ARHGAP35: variants seen among roughly 807,000 people sequenced by gnomAD.
The protein encoded by ARHGAP35 is Rho GTPase activating protein 35.
In ARHGAP35, 15 loss-of-function variants were observed where a neutral mutation model predicts 111.1. That is an observed-to-expected ratio of 0.13 (90% CI 0.09 to 0.21). The LOEUF (loss-of-function observed/expected upper bound fraction) is 0.21. ARHGAP35 is among the 10% of genes least tolerant of loss of function. The pLI, the probability that ARHGAP35 is intolerant of heterozygous loss-of-function variation, is 1.00. For synonymous variants in ARHGAP35, 643 were observed against 710.3 expected (o/e 0.91, Z 1.51); for missense variants, 1,262 against 1,873.0 (o/e 0.67, Z 6.02).
intron 3 of ARHGAP35, among the ~76,000 whole-genome samples, chr19:46,983,304 C>T (rs995467476): frequency 6.6e-6 from 1 of 152,144 alleles, no homozygotes; most frequent in Admixed American, 6.6e-5. Context: ...CTCAGCGTTC[C>T]TGTCTGTAGA....
At chr19:46,931,018 T>C (rs1004066201) in intron 2 of ARHGAP35, among the ~76,000 whole-genome samples, 7 of 152,086 alleles carry the variant, frequency 4.6e-5, no homozygotes, top group African/African-American at 7.2e-5. Context: ...CTGTACCTCA[T>C]TCAGTACCTA....
At chr19:46,968,501 G>T (rs2056527562) in intron 3 of ARHGAP35, among the ~76,000 whole-genome samples, 1 of 152,144 alleles carries the variant, frequency 6.6e-6, no homozygotes, top group Non-Finnish European at 1.5e-5. Flanking sequence ...ATATCTGTAG[G>T]TCACTTCAGA....
chr19:46,997,180 C>T (rs2122358657), intron 5 of ARHGAP35, among the ~76,000 whole-genome samples: 1 of 152,134 alleles, frequency 6.6e-6, no homozygotes, highest in Admixed American at 6.6e-5. Flanking sequence ...AAGAAAGTGC[C>T]CTTGAGGTGG....
chr19:46,960,044 A>G (rs1460997964), intron 3 of ARHGAP35, among the ~76,000 whole-genome samples: 1 of 148,942 alleles, frequency 6.7e-6, no homozygotes, highest in Non-Finnish European at 1.5e-5. Flanking sequence ...CAGGAATTCA[A>G]GGTTAGAGTG....
At chr19:46,864,502 CTT>C (rs2055845256) in intron 1 of ARHGAP35, among the ~76,000 whole-genome samples, 2 of 152,132 alleles carry the variant, frequency 1.3e-5, no homozygotes, top group Non-Finnish European at 2.9e-5. Context: ...TATGATCAAA[CTT>C]TGTTTATTTT....
rs2056686771 is a variant in ARHGAP35 at position 46,992,896 on chromosome 19, G to T, written c.4036+3221G>T. 6.6e-6 allele frequency among the ~76,000 whole-genome samples: 1 copy of T among 152,212 alleles called. No homozygotes were observed. The highest frequency in any genetic ancestry group is 1.5e-5 in the Non-Finnish European group (1 of 68,024). On this transcript the variant is annotated intron_variant, in intron 5 of 6. Transcript: ENST00000672722. This position sits in a 1 kb window ranked among gnomAD's most constrained non-coding sequence, Gnocchi z 4.4. ...TAGGTTACCAGGGGACGGCCCTGCT[G>T]CTCTCTGGGCTCTTGTTCACCAGCT...
At chr19:46,883,489 G>A (rs913663631) in intron 1 of ARHGAP35, among the ~76,000 whole-genome samples, 1 of 151,984 alleles carries the variant, frequency 6.6e-6, no homozygotes, top group Non-Finnish European at 1.5e-5. Context: ...TTTTCAACTC[G>A]CCGTCTTATA....
chr19:46,868,825 AAATT>A (rs1185690540), intron 1 of ARHGAP35, among the ~76,000 whole-genome samples: 3 of 152,154 alleles, frequency 2.0e-5, no homozygotes, highest in Non-Finnish European at 4.4e-5. Context: ...TAAAAAATAA[AAATT>A]AAAAGAAACA....
intron 3 of ARHGAP35, among the ~76,000 whole-genome samples, chr19:46,942,815 C>CAAAA (rs1241909711): frequency 4.7e-5 from 2 of 42,222 alleles, no homozygotes; most frequent in African/African-American, 2.0e-4. Flanking sequence ...GACCCTGTCT[C>CAAAA]AGAAAAAAAA....
At chr19:46,900,833 C>T (rs1247023608) in intron 1 of ARHGAP35, among the ~76,000 whole-genome samples, 3 of 152,148 alleles carry the variant, frequency 2.0e-5, no homozygotes, top group Non-Finnish European at 4.4e-5. Flanking sequence ...GGAATGCTGT[C>T]CCCCAGATGC....
At chr19:46,889,706 C>A in intron 1 of ARHGAP35, among the ~76,000 whole-genome samples, 1 of 148,054 alleles carries the variant, frequency 6.8e-6, no homozygotes, top group East Asian at 2.0e-4. Flanking sequence ...AGCCGAGATC[C>A]CGCCACTGCA....
intron 1 of ARHGAP35, among the ~76,000 whole-genome samples, chr19:46,862,942 A>G (rs1292926982): frequency 6.6e-6 from 1 of 151,122 alleles, no homozygotes; most frequent in Non-Finnish European, 1.5e-5. Flanking sequence ...TTTCCTATGT[A>G]TTCCCCCCCA....
At chr19:46,970,477 G>A (rs965935376) in intron 3 of ARHGAP35, among the ~76,000 whole-genome samples, 2 of 152,180 alleles carry the variant, frequency 1.3e-5, no homozygotes, top group Non-Finnish European at 2.9e-5. Context: ...GGCTATGGAA[G>A]TCTGAACTCC....
At chr19:46,978,672 G>GCTGT in intron 3 of ARHGAP35, among the ~76,000 whole-genome samples, 1 of 50,430 alleles carries the variant, frequency 2.0e-5, no homozygotes. Context: ...TGTGTGGTGG[G>GCTGT]GTTTGTGTGG....
Position 46,901,429 on chromosome 19 carries a change from G to A in ARHGAP35, c.-188-17059G>A, listed in dbSNP as rs377086176. ...AAAAATTAGCTAGGCATGGTGACGC[G>A]TGCCTGTAGTTCCAGCTACTTGGAA... is the stretch of plus-strand genomic sequence containing the variant. On this transcript the variant is annotated intron_variant, in intron 1 of 6. Transcript: ENST00000672722. The surrounding 1 kb of genome is among the most constrained non-coding windows in gnomAD (Gnocchi z 4.5). Among the ~76,000 whole-genome samples the A allele has an allele frequency of 1.5e-4, 23 of 152,086 alleles. No homozygotes were observed. Among genetic ancestry groups the A allele is most frequent in the African/African-American group, 5.3e-4 (22 of 41,420 alleles).
At chr19:46,887,731 G>A (rs986519560) in intron 1 of ARHGAP35, among the ~76,000 whole-genome samples, 1 of 151,950 alleles carries the variant, frequency 6.6e-6, no homozygotes, top group Non-Finnish European at 1.5e-5. Flanking sequence ...TCTCATCGGG[G>A]TATTCTCCTG....
intron 1 of ARHGAP35, among the ~76,000 whole-genome samples, chr19:46,898,718 T>C (rs2056069528): frequency 6.6e-6 from 1 of 152,192 alleles, no homozygotes; most frequent in Admixed American, 6.5e-5. Flanking sequence ...AGGGTTGTTA[T>C]CCAGAGATGA....
intron 1 of ARHGAP35, among the ~76,000 whole-genome samples, chr19:46,886,831 A>C (rs760410588): frequency 6.6e-6 from 1 of 152,182 alleles, no homozygotes; most frequent in Non-Finnish European, 1.5e-5. Context: ...TCCCTTCCCA[A>C]ATCCCAGATG....
At chr19:46,909,474 C>T (rs1478654170) in intron 1 of ARHGAP35, among the ~76,000 whole-genome samples, 1 of 152,088 alleles carries the variant, frequency 6.6e-6, no homozygotes, top group African/African-American at 2.4e-5. Flanking sequence ...AATCAATATC[C>T]AAGAATCTGT....
Sources: allele counts gnomAD v4.1 joint callset (sites outside exome capture counted in the v4.1 genomes callset), GRCh38; gene constraint gnomAD v4.1.1; non-coding constraint Gnocchi (gnomAD v3.1); transcripts MANE v1.5; gene names NCBI Gene and HGNC (gene_info 2026-07-23, HGNC 2026-07-21).